DGKD: variants seen among roughly 807,000 people sequenced by gnomAD.
The protein encoded by DGKD is diacylglycerol kinase delta, also known as DAG kinase delta.
In DGKD, 68 loss-of-function variants were observed where a neutral mutation model predicts 154.4. The ratio of observed to expected loss-of-function variants is 0.44; its 90% CI spans 0.36 to 0.54. DGKD has a LOEUF of 0.54. DGKD is among the 20% of genes least tolerant of loss of function. The pLI is 0.00. For missense variants in DGKD, 1,343 were observed against 1,593.6 expected, an observed-to-expected ratio of 0.84 and a Z score of 2.68; for synonymous variants, 693 against 638.0, an observed-to-expected ratio of 1.09 and a Z score of -1.30.
In DGKD at chr2:233,442,406, A is replaced by G. The variant is rs78525620; in HGVS notation, c.1194+411A>G. On this transcript the variant is annotated intron_variant, in intron 10 of 29. Coordinates refer to ENST00000264057, the MANE Select transcript of DGKD (RefSeq NM_152879.3). ...TTCATTGGACTTAGTTTTTTGTATT[A>G]AAATAAAAATAGATTTTCCTGATTG... 4.7e-4 allele frequency: 147 copies of G among 310,494 alleles called. 2 individuals carry two copies. The highest frequency in any genetic ancestry group is 2.6e-3 in the East Asian group (34 of 13,184). 19.2% of individuals were successfully genotyped at this position (310,494 alleles called of 1,614,324 possible). A position where few individuals can be genotyped will look rare whatever the true frequency, so the allele number is the denominator to read the frequency against.
In DGKD at chr2:233,446,763, T is replaced by C. The variant is rs142092189; in HGVS notation, c.1386T>C (p.Ser462=). 6.2e-7 allele frequency: 1 copy of C among 1,614,076 alleles called. No homozygotes were observed. The highest frequency in any genetic ancestry group is 1.3e-5 in the African/African-American group (1 of 74,942). ...EAKLPRQASS[S]TVTEDFSEDS... ...AGCTCCCCCGGCAGGCCTCCTCCTC[T>C]ACCGTCACCGAAGACTTCAGCGAGG... is the stretch of plus-strand genomic sequence containing the variant. Residue 462 remains serine, a synonymous_variant, in exon 12 of 30, where the codon TCT becomes TCC. Coordinates refer to ENST00000264057, the MANE Select transcript of DGKD (RefSeq NM_152879.3).
At chr2:233,373,040 C>T (rs1455695112) in intron 1 of DGKD, among the ~76,000 whole-genome samples, 2 of 152,146 alleles carry the variant, frequency 1.3e-5, no homozygotes, top group African/African-American at 2.4e-5. Flanking sequence ...ATGGGTACTG[C>T]GGGCGGGTCC....
rs555422138 is a variant in DGKD at position 233,450,846 on chromosome 2, G to A, written c.2039-76G>A. ...CCCTCCTCAGCCCTCCCACCTGCTC[G>A]TGTCGCTAAGGACCCCCCAGGATTT... On this transcript the variant is annotated intron_variant, in intron 16 of 29. Coordinates refer to ENST00000264057, the MANE Select transcript of DGKD (RefSeq NM_152879.3). 3.5e-5 allele frequency: 53 copies of A among 1,536,092 alleles called. No individual in the cohort carries two copies. In the East Asian group the frequency reaches 3.7e-4, roughly 11 times the overall value.
Position 233,354,540 on chromosome 2 carries a change from C to T in DGKD, c.22C>T (p.Pro8Ser). 1.0e-6 allele frequency: 1 copy of T among 1,001,572 alleles called. No individual in the cohort carries two copies. Among genetic ancestry groups the T allele is most frequent in the Non-Finnish European group, 1.2e-6 (1 of 842,272 alleles). The allele number at this position is 1,001,572 out of a possible 1,614,324, so 62.0% of individuals were successfully genotyped here. MAAAAGA[P>S]PPGPPQPPPP... is the part of the protein sequence containing the mutation. Reference sequence around the variant, plus strand: ...CAGCATGGCGGCGGCGGCGGGCGCCCCTCCGCCGGGTCCCCCGCAACCGCC... The same window carrying T: ...CAGCATGGCGGCGGCGGCGGGCGCCTCTCCGCCGGGTCCCCCGCAACCGCC... Residue 8 changes from proline (P) to serine (S), a missense_variant, in exon 1 of 30, where the codon CCT (proline) becomes TCT (serine). Pro to Ser is a moderately conservative substitution (Grantham distance 74). Coordinates refer to ENST00000264057, the MANE Select transcript of DGKD (RefSeq NM_152879.3). This position sits in a 1 kb window ranked among gnomAD's most constrained non-coding sequence, Gnocchi z 4.8.
At position 233,440,031 on chromosome 2, in the gene DGKD, C is replaced by T. The variant is rs764264766; in HGVS notation, c.1085+1652C>T. ...ATGGCTGTGGGCAGGGCAGGTTACA[C>T]AGCTGAACTCGAGAATAACGAAATA... On this transcript the variant is annotated intron_variant, in intron 9 of 29. Coordinates refer to ENST00000264057, the MANE Select transcript of DGKD (RefSeq NM_152879.3). This position sits in a 1 kb window ranked among gnomAD's most constrained non-coding sequence, Gnocchi z 4.9. Among the ~76,000 whole-genome samples the T allele has an allele frequency of 1.4e-4, 22 of 152,182 alleles. No individual in the cohort carries two copies. The highest frequency in any genetic ancestry group is 2.9e-4 in the Non-Finnish European group (20 of 68,030).
intron 16 of DGKD, among the ~76,000 whole-genome samples, chr2:233,450,437 C>T (rs2063238255): frequency 6.6e-6 from 1 of 152,074 alleles, no homozygotes; most frequent in African/African-American, 2.4e-5. Flanking sequence ...CACACTGGGC[C>T]CCAGAACTGC....
chr2:233,407,771 CATAAA>C (rs1330143787), intron 3 of DGKD, among the ~76,000 whole-genome samples: 2 of 152,066 alleles, frequency 1.3e-5, no homozygotes, highest in Admixed American at 1.3e-4. Flanking sequence ...TGTCTCAAAA[CATAAA>C]ATAAATCTTG....
intron 14 of DGKD, among the ~76,000 whole-genome samples, chr2:233,448,810 G>T (rs2063170394): frequency 6.6e-6 from 1 of 152,198 alleles, no homozygotes; most frequent in Admixed American, 6.5e-5. Context: ...CAACCAATCA[G>T]AGGCTAAGGT....
chr2:233,387,804 G>A (rs1009145773), intron 1 of DGKD, among the ~76,000 whole-genome samples: 6 of 152,170 alleles, frequency 3.9e-5, no homozygotes, highest in African/African-American at 1.4e-4. Flanking sequence ...AGCCGCTGAC[G>A]TAGACAGCTT....
chr2:233,468,568 G>C lies in DGKD; in HGVS notation c.3555+15G>C. On this transcript the variant is annotated intron_variant, in intron 29 of 29. Coordinates refer to ENST00000264057, the MANE Select transcript of DGKD (RefSeq NM_152879.3). ...GGGACCTCAAGGTACTTCCATAGGC[G>C]TCTCCCTGGAACCTGCACTTGGGCT... 6.2e-7 allele frequency: 1 copy of C among 1,613,092 alleles called. No homozygotes were observed. Among genetic ancestry groups the C allele is most frequent in the Non-Finnish European group, 8.5e-7 (1 of 1,179,890 alleles).
intron 1 of DGKD, chr2:233,386,102 C>T (rs1575014246): frequency 4.9e-6 from 2 of 408,878 alleles, no homozygotes; most frequent in East Asian, 1.5e-4. Flanking sequence ...AATACTCCAG[C>T]ATCTGTCCTT....
In DGKD at chr2:233,462,506, C is replaced by T. The variant is rs182869978; in HGVS notation, c.3093+47C>T. On this transcript the variant is annotated intron_variant, in intron 25 of 29. Coordinates refer to ENST00000264057, the MANE Select transcript of DGKD (RefSeq NM_152879.3). Reference sequence around the variant, plus strand: ...GTCCTGGCTTCTTCTCAGTGTCTGCCGCCCTCGGCCCTCCCCGTGCGTGTT... The same window carrying T: ...GTCCTGGCTTCTTCTCAGTGTCTGCTGCCCTCGGCCCTCCCCGTGCGTGTT... The T allele has an allele frequency of 9.0e-6, 14 of 1,559,770 alleles. No homozygotes were observed. In the Admixed American group the frequency reaches 1.0e-4, roughly 11 times the overall value.
chr2:233,368,889 G>C lies in DGKD; in HGVS notation c.156+14215G>C, dbSNP rs556106399. On this transcript the variant is annotated intron_variant, in intron 1 of 29. Transcript: ENST00000264057. ...TCTTCTGGATAGAGTCCTGGAGCTG[G>C]AGTTTCAGGTAGAAGGGACAGTGTG... 2.6e-5 allele frequency among the ~76,000 whole-genome samples: 4 copies of C among 152,358 alleles called. No individual in the cohort carries two copies. The South Asian group carries it at 8.3e-4, about 32-fold the overall frequency.
intron 1 of DGKD, among the ~76,000 whole-genome samples, chr2:233,367,874 A>G (rs1405508589): frequency 7.4e-6 from 1 of 135,248 alleles, no homozygotes; most frequent in East Asian, 2.2e-4. Context: ...TTTTTTTAAT[A>G]GAAGTGGGAT....
chr2:233,436,478 G>A, intron 7 of DGKD, 37 bp downstream of exon 7: 1 of 1,598,830 alleles, frequency 6.3e-7, no homozygotes. Context: ...GGAGGGGAGG[G>A]CTTGCTCCCT....
intron 1 of DGKD, among the ~76,000 whole-genome samples, chr2:233,382,050 A>G (rs1445325812): frequency 6.6e-6 from 1 of 152,200 alleles, no homozygotes. Context: ...CCTGGCCAAC[A>G]TAGTGAAACC....
chr2:233,445,599 G>T lies in DGKD; in HGVS notation c.1195-24G>T. 1 of 1,581,742 alleles carries T rather than the reference G, an allele frequency of 6.3e-7. No individual in the cohort carries two copies. The highest frequency in any genetic ancestry group is 1.2e-5 in the South Asian group (1 of 85,962). On this transcript the variant is annotated intron_variant, in intron 10 of 29. Coordinates refer to ENST00000264057, the MANE Select transcript of DGKD (RefSeq NM_152879.3). The surrounding 1 kb of genome is among the most constrained non-coding windows in gnomAD (Gnocchi z 5.5). ...CCCCTGCCCCCAGGTGTTTGCCTGC[G>T]CATCGTCCCCCATGTTTCCTTAGTG...
chr2:233,380,662 A>ATGTGTGTGTGTGTGTGTG, intron 1 of DGKD, among the ~76,000 whole-genome samples: 1 of 150,508 alleles, frequency 6.6e-6, no homozygotes, highest in South Asian at 2.1e-4. Flanking sequence ...AGCAGTGAGG[A>ATGTGTGTGTGTGTGTGTG]TGTGTGTGTG....
chr2:233,419,679 C>T (rs977176217), intron 3 of DGKD, among the ~76,000 whole-genome samples: 4 of 152,114 alleles, frequency 2.6e-5, no homozygotes, highest in African/African-American at 9.7e-5. Context: ...GTGGAAGAGG[C>T]TTGTGTGTGG....
Sources: allele counts gnomAD v4.1 joint callset (sites outside exome capture counted in the v4.1 genomes callset), GRCh38; gene constraint gnomAD v4.1.1; non-coding constraint Gnocchi (gnomAD v3.1); transcripts MANE v1.5; gene names NCBI Gene and HGNC (gene_info 2026-07-23, HGNC 2026-07-21).